Variants in CDC37L1 observed in about 807,000 individuals in gnomAD.
The protein encoded by CDC37L1 is cell division cycle 37 like 1, HSP90 cochaperone.
Under a neutral mutation model 45.9 loss-of-function variants are expected in CDC37L1, and 32 were observed. The ratio of observed to expected loss-of-function variants is 0.70; its 90% confidence interval spans 0.53 to 0.94. The LOEUF is 0.94. Among genes scored for constraint, CDC37L1 ranks in the 40% least tolerant of loss-of-function variants. The probability of loss-of-function intolerance (pLI) is 0.00; values close to 1 mark genes in which losing one functional copy is unlikely to be tolerated. For missense variants in CDC37L1, 434 were observed against 405.7 expected, an observed-to-expected ratio of 1.07 and a Z score of -0.60; for synonymous variants, 150 against 133.0, an observed-to-expected ratio of 1.13 and a Z score of -0.88.
chr9:4,706,088 A>G lies in CDC37L1; in HGVS notation c.990A>G (p.Glu330=), dbSNP rs768930367. Reference sequence around the variant, plus strand: ...CGGTGGTACATAAAGAAGATGATGAACCCAAAATGATGGACACTGTATAAT... The same window carrying G: ...CGGTGGTACATAAAGAAGATGATGAGCCCAAAATGATGGACACTGTATAAT... The part of the protein sequence containing the change: ...LNSVVHKEDD[E]PKMMDTV The change falls in exon 7 of 7, where the codon GAA becomes GAG. Residue 330 remains glutamate (E), a synonymous_variant. Coordinates refer to ENST00000381854, the MANE Select transcript of CDC37L1 (RefSeq NM_017913.4). 1.3e-6 allele frequency: 2 copies of G among 1,591,682 alleles called. No individual in the cohort carries two copies. The highest frequency in any genetic ancestry group is 2.7e-5 in the African/African-American group (2 of 74,562).
intron 1 of CDC37L1, among the ~76,000 whole-genome samples, chr9:4,680,821 GTAGT>G (rs1320000880): frequency 1.3e-5 from 2 of 152,184 alleles, no homozygotes; most frequent in African/African-American, 4.8e-5. Flanking sequence ...AGATTTAATA[GTAGT>G]TTTCCTCTCA....
intron 6 of CDC37L1, chr9:4,703,322 A>G (rs1237240833): frequency 1.8e-5 from 6 of 327,418 alleles, no homozygotes; most frequent in Admixed American, 4.9e-5. Context: ...AGTCAAAAAT[A>G]TTATTATCAG....
rs372605837 is a variant in CDC37L1, at chr9:4,681,023, G to C, written c.132+1124G>C. On this transcript the variant is annotated intron_variant, in intron 1 of 6. Transcript: ENST00000381854. The stretch of plus-strand genomic sequence containing the variant: ...CTACAAGACATTTTTTAGGAGGACA[G>C]AATGAGAGTTGATGGGTCCATCATT... 4.6e-5 allele frequency among the ~76,000 whole-genome samples: 7 copies of C among 152,304 alleles called. No individual in the cohort carries two copies. The South Asian group carries it at 8.3e-4, about 18-fold the overall frequency.
chr9:4,702,830 A>T (rs378549), intron 6 of CDC37L1, among the ~76,000 whole-genome samples: 1 of 140,638 alleles, frequency 7.1e-6, no homozygotes, highest in Non-Finnish European at 1.5e-5. Flanking sequence ...CAGAGCTTGC[A>T]GTGAGCCGAG....
intron 3 of CDC37L1, among the ~76,000 whole-genome samples, chr9:4,692,818 TA>T (rs1189599508): frequency 1.3e-5 from 2 of 152,214 alleles, no homozygotes; most frequent in Non-Finnish European, 2.9e-5. Context: ...CTGATCATAG[TA>T]GTATAACCAC....
intron 5 of CDC37L1, among the ~76,000 whole-genome samples, chr9:4,699,834 C>T (rs1193045111): frequency 6.6e-6 from 1 of 151,960 alleles, no homozygotes; most frequent in African/African-American, 2.4e-5. Flanking sequence ...TGCTCTTCTG[C>T]ACATAGGATA....
intron 2 of CDC37L1, among the ~76,000 whole-genome samples, chr9:4,687,586 G>A (rs1196860019): frequency 6.7e-6 from 1 of 150,340 alleles, no homozygotes; most frequent in African/African-American, 2.5e-5. Flanking sequence ...GGCTAAGGTG[G>A]GAGGATCACT....
At chr9:4,705,749 G>A (rs1255451901) in intron 6 of CDC37L1, among the ~76,000 whole-genome samples, 2 of 152,090 alleles carry the variant, frequency 1.3e-5, no homozygotes, top group Non-Finnish European at 2.9e-5. Context: ...AAACAGAGAA[G>A]AAAGGTGGTA....
chr9:4,697,581 C>G (rs1196013158), intron 4 of CDC37L1, among the ~76,000 whole-genome samples, 176 bp from the exon 5 acceptor site: 1 of 149,302 alleles, frequency 6.7e-6, no homozygotes, highest in African/African-American at 2.5e-5. Context: ...TTATTCTGGT[C>G]CACATACAAA....
intron 5 of CDC37L1, among the ~76,000 whole-genome samples, chr9:4,701,228 C>G (rs543360731): frequency 3.3e-5 from 5 of 152,314 alleles, no homozygotes; most frequent in Admixed American, 2.0e-4. Context: ...ACAGAGGCAG[C>G]TGCCAATAGG....
Position 4,679,651 on chromosome 9 carries a change from C to A in CDC37L1, c.-117C>A. The stretch of plus-strand genomic sequence containing the variant: ...CGGCCAGTAGAGGGATTCTGGGTAA[C>A]GGCCCGGACCCCCGGCTGGGCTTCT... On this transcript the variant is annotated 5_prime_UTR_variant, in exon 1 of 7. Coordinates refer to ENST00000381854, the MANE Select transcript of CDC37L1 (RefSeq NM_017913.4). The A allele has an allele frequency of 2.1e-6, 2 of 958,760 alleles. No homozygotes were observed. The highest frequency in any genetic ancestry group is 3.0e-6 in the Non-Finnish European group (2 of 667,970). The allele number at this position is 958,760 out of a possible 1,614,324, so 59.4% of individuals were successfully genotyped here.
Position 4,688,544 on chromosome 9 carries a change from C to A in CDC37L1, c.446C>A (p.Thr149Lys), listed in dbSNP as rs748311428. The A allele has an allele frequency of 6.5e-7, 1 of 1,529,938 alleles. No homozygotes were observed. The highest frequency in any genetic ancestry group is 8.8e-7 in the Non-Finnish European group (1 of 1,134,384). 94.8% of individuals were successfully genotyped at this position (1,529,938 alleles called of 1,614,324 possible). Reference protein sequence around the residue: ...SFINQDKRKDTEDEDKSESFM... With the variant: ...SFINQDKRKDKEDEDKSESFM... ...ATTAATCAAGATAAAAGAAAAGACA[C>A]AGAAGATGAAGATAAATCAGAATCA... The change falls in exon 3 of 7, where the codon ACA becomes AAA. Residue 149 changes from threonine (T) to lysine (K), a missense_variant. By Grantham distance (78) the Thr-to-Lys change is moderately conservative. Transcript: ENST00000381854.
intron 1 of CDC37L1, 117 bp downstream of exon 1, chr9:4,680,016 G>C (rs1044054386): frequency 7.5e-7 from 1 of 1,338,852 alleles, no homozygotes; most frequent in Non-Finnish European, 1.0e-6. Context: ...TCACTGCCAG[G>C]GGCCGGGGAC....
intron 3 of CDC37L1, among the ~76,000 whole-genome samples, chr9:4,690,018 C>T (rs1841286468): frequency 6.6e-6 from 1 of 152,146 alleles, no homozygotes; most frequent in Non-Finnish European, 1.5e-5. Context: ...AGCTGAGTGC[C>T]TTGTTCAGAA....
chr9:4,682,709 G>T (rs1206558436), intron 1 of CDC37L1, among the ~76,000 whole-genome samples: 1 of 151,624 alleles, frequency 6.6e-6, no homozygotes, highest in Non-Finnish European at 1.5e-5. Context: ...CTGACCTCAG[G>T]TAATCCGCCC....
chr9:4,689,049 T>A lies in CDC37L1; in HGVS notation c.508+443T>A, dbSNP rs577987179. 1.1e-4 allele frequency among the ~76,000 whole-genome samples: 17 copies of A among 152,266 alleles called. No individual in the cohort carries two copies. In the South Asian group the frequency reaches 3.5e-3, roughly 32 times the overall value. ...ACTCAGATAAATATAGTAATAGAAA[T>A]GTATATATAAAGAACTGAAAAATAG... On this transcript the variant is annotated intron_variant, in intron 3 of 6. Coordinates refer to ENST00000381854, the MANE Select transcript of CDC37L1 (RefSeq NM_017913.4).
intron 1 of CDC37L1, among the ~76,000 whole-genome samples, chr9:4,681,996 TG>T (rs1283327004): frequency 1.3e-5 from 2 of 152,166 alleles, no homozygotes; most frequent in African/African-American, 4.8e-5. Flanking sequence ...TTTGCCCAAA[TG>T]GCCAAATGTT....
chr9:4,691,207 G>A (rs1045225090), intron 3 of CDC37L1, among the ~76,000 whole-genome samples: 10 of 152,162 alleles, frequency 6.6e-5, no homozygotes, highest in African/African-American at 2.4e-4. Flanking sequence ...GGGTACATGT[G>A]CAGGATGTGC....
rs370808426 is a variant in CDC37L1, at chr9:4,705,991, T to C, written c.913-20T>C. 116 of 1,233,900 alleles carry C rather than the reference T, an allele frequency of 9.4e-5. No homozygotes were observed. Among genetic ancestry groups the C allele is most frequent in the East Asian group, 7.4e-4 (32 of 43,016 alleles). 76.4% of individuals were successfully genotyped at this position (1,233,900 alleles called of 1,614,324 possible). On this transcript the variant is annotated intron_variant, in intron 6 of 6. Transcript: ENST00000381854. ...ATGCGTTCTTTTTCTCCCCCCAATC[T>C]ACCTTTTCTTTTTCCCCAGAATCCA...
Sources: gnomAD v4.1 joint callset for allele counts (sites outside exome capture counted in the v4.1 genomes callset) on GRCh38, gnomAD v4.1.1 for gene constraint, MANE v1.5 for transcripts, NCBI Gene and HGNC (gene_info 2026-07-23, HGNC 2026-07-21) for gene names.